CLCNKA: variants seen among roughly 807,000 people sequenced by gnomAD.
CLCNKA encodes chloride voltage-gated channel Ka.
CLCNKA carries 66 observed loss-of-function variants against 83.3 expected under a neutral mutation model. The observed-to-expected ratio is 0.79, with a 90% CI of 0.65 to 0.97. The LOEUF (loss-of-function observed/expected upper bound fraction) is 0.97, where lower values mean the gene tolerates loss of function less well. Ranked by LOEUF, CLCNKA falls within the 50% of genes least tolerant of loss-of-function variation. The pLI is 0.00. For missense variants in CLCNKA, 806 were observed against 888.7 expected (o/e 0.91, Z 1.18); for synonymous variants, 357 against 370.4 (o/e 0.96, Z 0.42).
intron 3 of CLCNKA, 55 bp downstream of exon 3, chr1:16,023,983 G>T: frequency 6.2e-7 from 1 of 1,609,570 alleles, no homozygotes; most frequent in East Asian, 2.2e-5. Context: ...GGCACGCTCT[G>T]GGGATACCAG....
chr1:16,030,341 G>A (rs1232852307), intron 14 of CLCNKA, 120 bp from the exon 15 acceptor site: 4 of 1,267,902 alleles, frequency 3.2e-6, no homozygotes, highest in Non-Finnish European at 3.3e-6. Context: ...CAGTGCCCAG[G>A]CTGTGGCCTC....
In CLCNKA at chr1:16,032,266, C is replaced by T; in HGVS notation, c.1820C>T (p.Pro607Leu). The part of the protein sequence containing the change: ...AQLVQALQAE[P>L]PSRAPGHQQC... The stretch of plus-strand genomic sequence containing the variant: ...CTGGTGCAGGCCCTCCAGGCTGAGC[C>T]TCCTTCCAGGGCTCCAGGACACCAG... The change falls in exon 17 of 20, where the codon CCT (proline) becomes CTT (leucine). Residue 607 changes from proline (P) to leucine (L), a missense_variant. Transcript: ENST00000331433. 6.2e-7 allele frequency: 1 copy of T among 1,611,902 alleles called. No homozygotes were observed. The highest frequency in any genetic ancestry group is 8.5e-7 in the Non-Finnish European group (1 of 1,179,624).
rs200465575 is a variant in CLCNKA at position 16,027,333 on chromosome 1, A to G, written c.679A>G (p.Met227Val). The change falls in exon 8 of 20, where the codon ATG (methionine) becomes GTG (valine). Residue 227 changes from methionine (M) to valine (V), a missense_variant. Coordinates refer to ENST00000331433, the MANE Select transcript of CLCNKA (RefSeq NM_004070.4). ...FSGVLFSIEV[M>V]SSHFSVRDYW... ...AGGCGTCCTGTTCAGCATCGAGGTC[A>G]TGTCTTCCCACTTCTCTGTCCGGGA... The G allele has an allele frequency of 1.2e-6, 2 of 1,613,436 alleles. No individual in the cohort carries two copies. The highest frequency in any genetic ancestry group is 3.3e-5 in the Admixed American group (2 of 60,020).
chr1:16,032,556 C>A lies in CLCNKA; in HGVS notation c.1929+30C>A, dbSNP rs10927892. 868,901 of 1,557,454 alleles carry A rather than the reference C, an allele frequency of 0.56. 246,474 individuals carry two copies. The highest frequency in any genetic ancestry group is 0.74 in the East Asian group (33,076 of 44,580). ...CAAGTATTGGGGAGTGTGACACACG[C>A]AGCCCCCGGGGCAGGGCAAGAGCTG... On this transcript the variant is annotated intron_variant, in intron 18 of 19. Coordinates refer to ENST00000331433, the MANE Select transcript of CLCNKA (RefSeq NM_004070.4).
chr1:16,026,545 G>C lies in CLCNKA; in HGVS notation c.508G>C (p.Val170Leu), dbSNP rs777785742. 15 of 1,613,836 alleles carry C rather than the reference G, an allele frequency of 9.3e-6. No individual in the cohort carries two copies. The highest frequency in any genetic ancestry group is 1.3e-5 in the African/African-American group (1 of 74,886). Residue 170 changes from valine (V) to leucine (L), a missense_variant, in exon 6 of 20, where the codon GTG (valine) becomes CTG (leucine). By Grantham distance (32) the Val-to-Leu change is conservative. Transcript: ENST00000331433. ...TLFLGKVGPFVHLSVMIAAYL... is the reference protein window; with the variant it reads ...TLFLGKVGPFLHLSVMIAAYL... ...ACCCTTCCCTCTGCAGGGCCCTTTC[G>C]TGCACCTGTCTGTAATGATCGCTGC...
chr1:16,026,240 G>C lies in CLCNKA; in HGVS notation c.491G>C (p.Gly164Ala). Residue 164 changes from glycine to alanine, a missense_variant, in exon 5 of 20, where the codon GGC (glycine) becomes GCC (alanine). Physicochemically the swap from Gly to Ala is moderately conservative, Grantham distance 60. Coordinates refer to ENST00000331433, the MANE Select transcript of CLCNKA (RefSeq NM_004070.4). Reference protein sequence around the residue: ...TLATGSTLFLGKVGPFVHLSV... With the variant: ...TLATGSTLFLAKVGPFVHLSV... ...GCCACCGGCAGCACCCTGTTCCTGG[G>C]CAAAGTGGTATGGTCAGGTGTGAGG... 6.2e-7 allele frequency: 1 copy of C among 1,613,846 alleles called. No individual in the cohort carries two copies. The highest frequency in any genetic ancestry group is 8.5e-7 in the Non-Finnish European group (1 of 1,180,018).
At chr1:16,026,926 G>T in intron 7 of CLCNKA, 151 bp downstream of exon 7, 1 of 1,010,524 alleles carries the variant, frequency 9.9e-7, no homozygotes, top group South Asian at 1.5e-5. Flanking sequence ...CCACCCCCCG[G>T]GGGCGGCGGG....
At position 16,029,791 on chromosome 1, in the gene CLCNKA, T is replaced by C; in HGVS notation, c.1288T>C (p.Phe430Leu). Residue 430 changes from phenylalanine (F) to leucine (L), a missense_variant, in exon 13 of 20, where the codon TTT becomes CTT. Coordinates refer to ENST00000331433, the MANE Select transcript of CLCNKA (RefSeq NM_004070.4). Reference protein sequence around the residue: ...PMPAGYFMPIFILGAAIGRLL... With the variant: ...PMPAGYFMPILILGAAIGRLL... The stretch of plus-strand genomic sequence containing the variant: ...GCCTGCCGGGTACTTCATGCCCATC[T>C]TTATCCTTGGTGAGTCTGGGGTCCT... The C allele has an allele frequency of 6.2e-7, 1 of 1,614,162 alleles. No individual in the cohort carries two copies. Among genetic ancestry groups the C allele is most frequent in the African/African-American group, 1.3e-5 (1 of 75,052 alleles).
At chr1:16,031,375 T>C (rs1466185280) in intron 15 of CLCNKA, among the ~76,000 whole-genome samples, 2 of 152,194 alleles carry the variant, frequency 1.3e-5, no homozygotes, top group Non-Finnish European at 2.9e-5. Flanking sequence ...TATTCATTAA[T>C]GGATGGCCAG....
rs533427231 is a variant in CLCNKA, at chr1:16,027,301, C to T, written c.656-9C>T. 33 of 1,612,820 alleles carry T rather than the reference C, an allele frequency of 2.0e-5. No homozygotes were observed. In the South Asian group the frequency reaches 3.2e-4, roughly 16 times the overall value. On this transcript the variant is annotated splice_polypyrimidine_tract_variant and intron_variant, in intron 7 of 19. Coordinates refer to ENST00000331433, the MANE Select transcript of CLCNKA (RefSeq NM_004070.4). Reference sequence around the variant, plus strand: ...GTGGGGGCCCACCTGACATCAGTGTCGCCCCCAGGCGTCCTGTTCAGCATC... The same window carrying T: ...GTGGGGGCCCACCTGACATCAGTGTTGCCCCCAGGCGTCCTGTTCAGCATC...
In CLCNKA at chr1:16,034,008, TC is replaced by T; in HGVS notation, c.*353del. 1 of 369,848 alleles carries T rather than the reference TC, an allele frequency of 2.7e-6. No homozygotes were observed. Among genetic ancestry groups the T allele is most frequent in the South Asian group, 2.3e-5 (1 of 44,192 alleles). The allele number at this position is 369,848 out of a possible 1,614,324, so 22.9% of individuals were successfully genotyped here. A position where few individuals can be genotyped will look rare whatever the true frequency, so the allele number is the denominator to read the frequency against. ...AAGATGCCCTCTGGGGTTGTCTGGTTCCCAGTGAGAGGCTCCTGAGAAAAAT... is the reference window on the plus strand; with the variant it reads ...AAGATGCCCTCTGGGGTTGTCTGGTTCCAGTGAGAGGCTCCTGAGAAAAAT... On this transcript the variant is annotated 3_prime_UTR_variant, in exon 20 of 20. Coordinates refer to ENST00000331433, the MANE Select transcript of CLCNKA (RefSeq NM_004070.4).
intron 11 of CLCNKA, 42 bp from the exon 12 acceptor site, chr1:16,029,084 G>GA (rs2022504481): frequency 7.4e-7 from 1 of 1,348,682 alleles, no homozygotes; most frequent in African/African-American, 1.6e-5. Flanking sequence ...TCTGCCGCTG[G>GA]GGGGGGCCCC....
At position 16,026,191 on chromosome 1, in the gene CLCNKA, G is replaced by A; in HGVS notation, c.442G>A (p.Val148Met). 2 of 1,613,900 alleles carry A rather than the reference G, an allele frequency of 1.2e-6. No individual in the cohort carries two copies. The highest frequency in any genetic ancestry group is 1.7e-6 in the Non-Finnish European group (2 of 1,180,010). Reference protein sequence around the residue: ...YLDIKNFGAKVVGLSCTLATG... With the variant: ...YLDIKNFGAKMVGLSCTLATG... ...GGATATCAAGAACTTTGGGGCCAAG[G>A]TGGTGGGCCTCTCCTGCACCCTGGC... Residue 148 changes from valine to methionine, a missense_variant, in exon 5 of 20, where the codon GTG (valine) becomes ATG (methionine). Physicochemically the swap from Val to Met is conservative, Grantham distance 21. Coordinates refer to ENST00000331433, the MANE Select transcript of CLCNKA (RefSeq NM_004070.4).
At chr1:16,033,277 G>T (rs765190117) in intron 19 of CLCNKA, 21 bp downstream of exon 19, 1 of 1,613,354 alleles carries the variant, frequency 6.2e-7, no homozygotes, top group South Asian at 1.1e-5. Context: ...CCCGGGGGCA[G>T]AGCAAAGCAG....
intron 3 of CLCNKA, 62 bp from the exon 4 acceptor site, chr1:16,024,701 A>G (rs1266858012): frequency 1.1e-5 from 18 of 1,607,644 alleles, no homozygotes; most frequent in Non-Finnish European, 1.4e-5. Context: ...TGGGCACCAC[A>G]GTGTCTGGCC....
intron 13 of CLCNKA, 59 bp downstream of exon 13, chr1:16,029,859 T>A: frequency 6.2e-7 from 1 of 1,610,098 alleles, no homozygotes; most frequent in Admixed American, 1.7e-5. Flanking sequence ...GGGCCATGCA[T>A]CCTGGTTCAC....
Position 16,033,755 on chromosome 1 carries a change from C to T in CLCNKA, c.*97C>T. On this transcript the variant is annotated 3_prime_UTR_variant, in exon 20 of 20. Transcript: ENST00000331433. ...CTTCCCCCATCACCACCTGCCCCTCCCTCCAGCCCAGCTCCATTCTTTGGC... is the reference window on the plus strand; with the variant it reads ...CTTCCCCCATCACCACCTGCCCCTCTCTCCAGCCCAGCTCCATTCTTTGGC... 2.5e-6 allele frequency: 3 copies of T among 1,190,262 alleles called. No homozygotes were observed. Among genetic ancestry groups the T allele is most frequent in the Middle Eastern group, 1.9e-4 (1 of 5,220 alleles). 73.7% of individuals were successfully genotyped at this position (1,190,262 alleles called of 1,614,324 possible).
At position 16,023,882 on chromosome 1, in the gene CLCNKA, C is replaced by T. The variant is rs1465525157; in HGVS notation, c.183C>T (p.Ala61=). Reference sequence around the variant, plus strand: ...TGATGACCCTCGGGGTGCTCATGGCCCTGGTCAGCTATGCCATGAACTTTG... The same window carrying T: ...TGATGACCCTCGGGGTGCTCATGGCTCTGGTCAGCTATGCCATGAACTTTG... ...YFLMTLGVLM[A]LVSYAMNFAI... The change falls in exon 3 of 20, where the codon GCC becomes GCT. Residue 61 remains alanine, a synonymous_variant. Coordinates refer to ENST00000331433, the MANE Select transcript of CLCNKA (RefSeq NM_004070.4). 1.9e-6 allele frequency: 3 copies of T among 1,614,134 alleles called. No individual in the cohort carries two copies. The highest frequency in any genetic ancestry group is 1.7e-6 in the Non-Finnish European group (2 of 1,179,998).
At position 16,026,315 on chromosome 1, in the gene CLCNKA, C is replaced by G; in HGVS notation, c.498+68C>G. The G allele has an allele frequency of 5.5e-6, 7 of 1,263,702 alleles. No individual in the cohort carries two copies. In the Admixed American group the frequency reaches 9.9e-5, roughly 18 times the overall value. The allele number at this position is 1,263,702 out of a possible 1,614,324, so 78.3% of individuals were successfully genotyped here. ...TACCCTGCCCCAGCTCTCCCCCATA[C>G]CCCACCAAAGCTGGGTCAGAGCAGA... On this transcript the variant is annotated intron_variant, in intron 5 of 19. Coordinates refer to ENST00000331433, the MANE Select transcript of CLCNKA (RefSeq NM_004070.4).
Sources: allele counts gnomAD v4.1 joint callset (sites outside exome capture counted in the v4.1 genomes callset), GRCh38; gene constraint gnomAD v4.1.1; transcripts MANE v1.5; gene names NCBI Gene and HGNC (gene_info 2026-07-23, HGNC 2026-07-21).